Variants in TCP1 observed in about 807,000 individuals in gnomAD.
The protein encoded by TCP1 is t-complex 1.
TCP1 carries 6 observed loss-of-function variants against 54.7 expected under a neutral mutation model. That is an observed-to-expected ratio of 0.11 (90% CI 0.06 to 0.22). The LOEUF (loss-of-function observed/expected upper bound fraction) is 0.22. TCP1 is among the 10% of genes least tolerant of loss of function. TCP1 has a pLI of 1.00. For synonymous variants in TCP1, 225 were observed against 229.7 expected (o/e 0.98, Z 0.19); for missense variants, 511 against 678.2 (o/e 0.75, Z 2.74).
chr6:159,778,980 T>TA lies in TCP1; in HGVS notation c.*64dup, dbSNP rs1363586836. The TA allele has an allele frequency of 2.1e-5, 33 of 1,569,306 alleles. No individual in the cohort carries two copies. Among genetic ancestry groups the TA allele is most frequent in the Non-Finnish European group, 2.8e-5 (32 of 1,149,696 alleles). On this transcript the variant is annotated 3_prime_UTR_variant, in exon 12 of 12. Coordinates refer to ENST00000321394, the MANE Select transcript of TCP1 (RefSeq NM_030752.3). Reference sequence around the variant, plus strand: ...ACAGCTTGTACTTTACTTTAATGTGTAATACTCAACTCAAGGTACAAGACA... The same window carrying TA: ...ACAGCTTGTACTTTACTTTAATGTGTAAATACTCAACTCAAGGTACAAGACA...
In TCP1 at chr6:159,778,799, GGGAAT is replaced by G; in HGVS notation, c.*241_*245del. The G allele has an allele frequency of 6.2e-7, 1 of 1,614,180 alleles. No individual in the cohort carries two copies. The highest frequency in any genetic ancestry group is 8.5e-7 in the Non-Finnish European group (1 of 1,180,038). Reference sequence around the variant, plus strand: ...CAGCCCTGTGCATTGGGGGTGGGATGGGAATAGCAATGTGTGTTCAGAGAGAATGA... The same window carrying G: ...CAGCCCTGTGCATTGGGGGTGGGATGAGCAATGTGTGTTCAGAGAGAATGA... On this transcript the variant is annotated 3_prime_UTR_variant, in exon 12 of 12. Coordinates refer to ENST00000321394, the MANE Select transcript of TCP1 (RefSeq NM_030752.3).
chr6:159,788,806 G>A (rs958954420), intron 1 of TCP1: 1 of 152,924 alleles, frequency 6.5e-6, no homozygotes, highest in East Asian at 1.9e-4. Context: ...GGTATCCAAA[G>A]GCCTGACAGC....
In TCP1 at chr6:159,789,536, C is replaced by G. The variant is rs899436827; in HGVS notation, c.-68G>C. On this transcript the variant is annotated 5_prime_UTR_variant, in exon 1 of 12. Transcript: ENST00000321394. ...GCAACCAGTATCGCGGCCCCTCGGC[C>G]GACCGGCGACCACAGCAGTGGCTGC... 2 of 1,581,138 alleles carry G rather than the reference C, an allele frequency of 1.3e-6. No homozygotes were observed. Among genetic ancestry groups the G allele is most frequent in the Non-Finnish European group, 1.7e-6 (2 of 1,157,062 alleles).
At chr6:159,783,243 T>C (rs977409329) in intron 7 of TCP1, among the ~76,000 whole-genome samples, 1 of 152,064 alleles carries the variant, frequency 6.6e-6, no homozygotes, top group Non-Finnish European at 1.5e-5. Context: ...AGGGACTGGC[T>C]TTGATGGAAG....
intron 5 of TCP1, chr6:159,785,082 C>G: frequency 1.6e-6 from 1 of 606,228 alleles, no homozygotes; most frequent in Non-Finnish European, 2.9e-6. Context: ...CAGGTAATTT[C>G]AATACAGCAT....
intron 1 of TCP1, 107 bp downstream of exon 1, chr6:159,789,298 C>T: frequency 4.5e-6 from 6 of 1,341,816 alleles, no homozygotes; most frequent in African/African-American, 1.5e-5. Context: ...GCCCCGAGGC[C>T]CTTTCTGCGG....
Position 159,783,164 on chromosome 6 carries a change from A to G in TCP1, c.797+777T>C, listed in dbSNP as rs115537930. 4.2e-3 allele frequency among the ~76,000 whole-genome samples: 635 copies of G among 152,304 alleles called. 4 individuals carry two copies. Among genetic ancestry groups the G allele is most frequent in the African/African-American group, 0.014 (590 of 41,566 alleles). ...AAGAGCATAATTAGTTGAAGATGCA[A>G]GTATGAAACAAGAATCAAAGAAAAG... On this transcript the variant is annotated intron_variant, in intron 7 of 11. Transcript: ENST00000321394.
intron 5 of TCP1, 163 bp from the exon 6 acceptor site, chr6:159,785,010 T>G (rs1780659592): frequency 1.4e-6 from 1 of 709,686 alleles, no homozygotes; most frequent in Non-Finnish European, 2.4e-6. Context: ...CTATCTGCAA[T>G]TCATATCACT....
intron 1 of TCP1, 67 bp downstream of exon 1, chr6:159,789,338 G>C: frequency 1.9e-6 from 3 of 1,586,460 alleles, no homozygotes; most frequent in African/African-American, 1.3e-5. Context: ...GGGCAGCCGG[G>C]GTCCGGTCGC....
chr6:159,780,291 A>C lies in TCP1; in HGVS notation c.1097+152T>G. On this transcript the variant is annotated intron_variant, in intron 9 of 11. Coordinates refer to ENST00000321394, the MANE Select transcript of TCP1 (RefSeq NM_030752.3). The stretch of plus-strand genomic sequence containing the variant: ...CAGAAGAGATGAAAATGGTTACTTC[A>C]TCTCAATTTACAGTGGCCCAATGTT... The C allele has an allele frequency of 2.3e-6, 3 of 1,314,324 alleles. No homozygotes were observed. In the South Asian group the frequency reaches 3.6e-5, roughly 16 times the overall value. The allele number at this position is 1,314,324 out of a possible 1,614,324, so 81.4% of individuals were successfully genotyped here.
In TCP1 at chr6:159,778,559, AGGGTAGCATGCTGATACAT is replaced by A; in HGVS notation, c.*467_*485del. ...GTTAAAATGAAAATTTGAGTTTGAA[AGGGTAGCATGCTGATACAT>A]TAAGAGGAAAAAGACAAGTTTAAGA... On this transcript the variant is annotated 3_prime_UTR_variant, in exon 12 of 12. Transcript: ENST00000321394. 7.5e-7 allele frequency: 1 copy of A among 1,325,768 alleles called. No individual in the cohort carries two copies. The highest frequency in any genetic ancestry group is 1.0e-6 in the Non-Finnish European group (1 of 965,616). The allele number at this position is 1,325,768 out of a possible 1,614,324, so 82.1% of individuals were successfully genotyped here. A position where few individuals can be genotyped will look rare whatever the true frequency, so the allele number is the denominator to read the frequency against.
chr6:159,780,372 A>T (rs750033134), intron 9 of TCP1, 71 bp downstream of exon 9: 28 of 1,607,380 alleles, frequency 1.7e-5, no homozygotes, highest in Non-Finnish European at 2.4e-5. Context: ...AGCAGCAAAT[A>T]AATGGGAAGA....
intron 6 of TCP1, among the ~76,000 whole-genome samples, chr6:159,784,307 ATT>A (rs5881340): frequency 1.7e-4 from 24 of 144,024 alleles, no homozygotes; most frequent in East Asian, 8.2e-4. Flanking sequence ...AACATTTTTT[ATT>A]TTTTTTTTTT....
intron 1 of TCP1, chr6:159,789,105 C>T (rs1228060988): frequency 2.3e-6 from 1 of 437,264 alleles, no homozygotes; most frequent in Non-Finnish European, 4.1e-6. Flanking sequence ...CCCGCACGTG[C>T]GAGCCCGGGA....
At chr6:159,784,212 G>A (rs570695143) in intron 6 of TCP1, 145 bp from the exon 7 acceptor site, 14 of 1,012,110 alleles carry the variant, frequency 1.4e-5, no homozygotes, top group Admixed American at 1.0e-4. Context: ...TTAAATGCAC[G>A]TAATTTCTTT....
rs774450476 is a variant in TCP1 at position 159,785,529 on chromosome 6, T to A, written c.378-33A>T. On this transcript the variant is annotated intron_variant, in intron 4 of 11. Transcript: ENST00000321394. ...AAAGTGTGGGGGAGAAAAACGCTTA[T>A]AAAGTCACTACTCAAACTCTTTGCA... 2.0e-6 allele frequency: 3 copies of A among 1,499,148 alleles called. No homozygotes were observed. In the Admixed American group the frequency reaches 5.0e-5, roughly 25 times the overall value. 92.9% of individuals were successfully genotyped at this position (1,499,148 alleles called of 1,614,324 possible).
chr6:159,783,915 A>C (rs1780634042), intron 7 of TCP1, 26 bp downstream of exon 7: 1 of 1,561,966 alleles, frequency 6.4e-7, no homozygotes, highest in African/African-American at 1.4e-5. Context: ...CACACTTAAA[A>C]GGCCAAAAAT....
chr6:159,787,686 C>T, intron 3 of TCP1, 57 bp downstream of exon 3: 10 of 1,583,034 alleles, frequency 6.3e-6, no homozygotes, highest in Non-Finnish European at 8.6e-6. Flanking sequence ...ATGGCTTCAA[C>T]TTTCTGAAAG....
At chr6:159,784,397 C>T (rs968491220) in intron 6 of TCP1, among the ~76,000 whole-genome samples, 1 of 151,962 alleles carries the variant, frequency 6.6e-6, no homozygotes, top group African/African-American at 2.4e-5. Context: ...CTCCGCCTCC[C>T]AGGTTCCAGT....
Sources: allele counts gnomAD v4.1 joint callset (sites outside exome capture counted in the v4.1 genomes callset), GRCh38; gene constraint gnomAD v4.1.1; transcripts MANE v1.5; gene names NCBI Gene and HGNC (gene_info 2026-07-23, HGNC 2026-07-21).